CPPED1: variants seen among roughly 807,000 people sequenced by gnomAD.
CPPED1 encodes serine/threonine-protein phosphatase CPPED1.
CPPED1 carries 28 observed loss-of-function variants against 28.0 expected under a neutral mutation model. That is an observed-to-expected ratio of 1.00 (90% confidence interval 0.74 to 1.37). The LOEUF is 1.37. Ranked by LOEUF, CPPED1 falls within the 40% of genes most tolerant of loss-of-function variation. CPPED1 has a pLI of 0.00. For missense variants in CPPED1, 504 were observed against 416.5 expected (o/e 1.21, Z -1.83); for synonymous variants, 198 against 180.2 (o/e 1.10, Z -0.79).
chr16:12,776,539 CTGTGAA>C (rs1284973191), intron 2 of CPPED1, among the ~76,000 whole-genome samples: 2 of 152,126 alleles, frequency 1.3e-5, no homozygotes, highest in East Asian at 1.9e-4. Flanking sequence ...GTTGTCGTGA[CTGTGAA>C]TAAGTCTCAC....
At chr16:12,729,017 T>A (rs1281789970) in intron 2 of CPPED1, among the ~76,000 whole-genome samples, 1 of 152,100 alleles carries the variant, frequency 6.6e-6, no homozygotes, top group Non-Finnish European at 1.5e-5. Flanking sequence ...GCTGGTGAGG[T>A]CACCATCACT....
At chr16:12,724,848 G>C (rs533017661) in intron 2 of CPPED1, among the ~76,000 whole-genome samples, 2 of 152,018 alleles carry the variant, frequency 1.3e-5, no homozygotes. Context: ...GTGCAGTGGC[G>C]TGATCTCGGC....
At chr16:12,750,747 G>A (rs888217070) in intron 2 of CPPED1, among the ~76,000 whole-genome samples, 7 of 152,192 alleles carry the variant, frequency 4.6e-5, no homozygotes, top group African/African-American at 1.7e-4. Flanking sequence ...GAGGTGGGCG[G>A]ATCACTTGCG....
intron 1 of CPPED1, among the ~76,000 whole-genome samples, chr16:12,799,596 C>T (rs1301004448): frequency 6.6e-6 from 1 of 152,260 alleles, no homozygotes; most frequent in African/African-American, 2.4e-5. Flanking sequence ...GGCAAATCTA[C>T]TGGCTTCCCA....
At chr16:12,738,766 G>A (rs954138494) in intron 2 of CPPED1, among the ~76,000 whole-genome samples, 1 of 152,108 alleles carries the variant, frequency 6.6e-6, no homozygotes, top group Non-Finnish European at 1.5e-5. Flanking sequence ...CTCATAAAAC[G>A]AATGTCATCT....
At chr16:12,724,804 T>TG (rs1264616604) in intron 2 of CPPED1, among the ~76,000 whole-genome samples, 2 of 152,324 alleles carry the variant, frequency 1.3e-5, no homozygotes, top group African/African-American at 4.8e-5. Context: ...TCTTTTTTTT[T>TG]GAGACGGAGT....
chr16:12,759,189 CAAAA>C (rs1420689060), intron 2 of CPPED1: 1 of 112,400 alleles, frequency 8.9e-6, no homozygotes, highest in Non-Finnish European at 1.9e-5. Flanking sequence ...AAAAAAAAGA[CAAAA>C]AAAAAGTGCT....
At chr16:12,774,746 T>C (rs1222042851) in intron 2 of CPPED1, among the ~76,000 whole-genome samples, 2 of 152,148 alleles carry the variant, frequency 1.3e-5, no homozygotes, top group Non-Finnish European at 2.9e-5. Flanking sequence ...AGTCCATTCA[T>C]GGATTAATGA....
At chr16:12,789,591 C>A (rs139764800) in intron 1 of CPPED1, among the ~76,000 whole-genome samples, 70 of 152,146 alleles carry the variant, frequency 4.6e-4, no homozygotes, top group African/African-American at 1.6e-3. Context: ...AGTGGCATGA[C>A]CTTGGTTCAC....
intron 3 of CPPED1, among the ~76,000 whole-genome samples, chr16:12,666,579 C>G (rs921205607): frequency 2.6e-5 from 4 of 152,114 alleles, no homozygotes; most frequent in African/African-American, 9.7e-5. Flanking sequence ...GTAAATACTT[C>G]CACTGTGGCC....
chr16:12,677,564 C>T (rs563893416), intron 3 of CPPED1, among the ~76,000 whole-genome samples: 36 of 152,322 alleles, frequency 2.4e-4, no homozygotes, highest in Non-Finnish European at 4.4e-4. Context: ...ATCACTTGAA[C>T]CTGGGAGGCA....
intron 2 of CPPED1, among the ~76,000 whole-genome samples, chr16:12,726,175 G>A (rs1186762104): frequency 6.6e-6 from 1 of 152,014 alleles, no homozygotes; most frequent in African/African-American, 2.4e-5. Context: ...CCGAGTAGCT[G>A]GGATTACAGG....
At chr16:12,803,349 TCA>T (rs2080672131) in intron 1 of CPPED1, among the ~76,000 whole-genome samples, 3 of 152,228 alleles carry the variant, frequency 2.0e-5, no homozygotes, top group Non-Finnish European at 4.4e-5. Context: ...TATTCCCGTT[TCA>T]CAGATGTGGA....
intron 3 of CPPED1, among the ~76,000 whole-genome samples, chr16:12,684,800 C>T (rs1567275191): frequency 6.6e-6 from 1 of 152,112 alleles, no homozygotes; most frequent in African/African-American, 2.4e-5. Context: ...AGAGAGCGGC[C>T]GCTCTGTGAC....
At chr16:12,675,706 G>A (rs1339666365) in intron 3 of CPPED1, among the ~76,000 whole-genome samples, 1 of 152,206 alleles carries the variant, frequency 6.6e-6, no homozygotes, top group Non-Finnish European at 1.5e-5. Flanking sequence ...TCCTGCATGA[G>A]ACTATATTTG....
At chr16:12,686,112 G>A (rs1358596535) in intron 3 of CPPED1, among the ~76,000 whole-genome samples, 7 of 152,148 alleles carry the variant, frequency 4.6e-5, no homozygotes. Flanking sequence ...TTCCTGTTCT[G>A]TACAGCCCAA....
At chr16:12,711,483 C>A (rs139366025) in intron 2 of CPPED1, among the ~76,000 whole-genome samples, 12 of 152,284 alleles carry the variant, frequency 7.9e-5, no homozygotes, top group African/African-American at 2.9e-4. Context: ...TAAGGTGGTA[C>A]ATGTAACGTT....
At chr16:12,706,980 G>A (rs546060593) in intron 2 of CPPED1, among the ~76,000 whole-genome samples, 76 of 152,294 alleles carry the variant, frequency 5.0e-4, no homozygotes, top group Admixed American at 1.4e-3. Context: ...GGTGCTGGGG[G>A]TTCATTCACC....
At chr16:12,775,806 G>A (rs2080494405) in intron 2 of CPPED1, among the ~76,000 whole-genome samples, 2 of 152,140 alleles carry the variant, frequency 1.3e-5, no homozygotes, top group South Asian at 2.1e-4. Context: ...GCAATTCACT[G>A]CTCTGAGCCA....
Sources: allele counts gnomAD v4.1 joint callset (sites outside exome capture counted in the v4.1 genomes callset), GRCh38; gene constraint gnomAD v4.1.1; transcripts MANE v1.5; gene names NCBI Gene and HGNC (gene_info 2026-07-23, HGNC 2026-07-21).